Variants in ATM observed in about 807,000 individuals in gnomAD.
ATM encodes ATM serine/threonine kinase.
ATM carries 308 observed loss-of-function variants against 387.0 expected under a neutral mutation model. The ratio of observed to expected loss-of-function variants is 0.80; its 90% CI spans 0.73 to 0.87. The LOEUF (loss-of-function observed/expected upper bound fraction) is 0.87, where lower values mean the gene tolerates loss of function less well. ATM is among the 40% of genes least tolerant of loss of function. The pLI is 0.00. For missense variants in ATM, 3,312 were observed against 3,560.9 expected, an observed-to-expected ratio of 0.93 and a Z score of 1.78; for synonymous variants, 1,156 against 1,187.3, an observed-to-expected ratio of 0.97 and a Z score of 0.54.
At chr11:108,255,906 CT>C (rs1208367443) in intron 13 of ATM, among the ~76,000 whole-genome samples, 2 of 152,038 alleles carry the variant, frequency 1.3e-5, no homozygotes, top group East Asian at 1.9e-4. Context: ...GCCTGTGAAG[CT>C]TTTTTTCTTT....
intron 4 of ATM, among the ~76,000 whole-genome samples, chr11:108,233,386 A>T (rs963848405): frequency 6.6e-5 from 10 of 152,066 alleles, no homozygotes; most frequent in Admixed American, 2.0e-4. Context: ...CCTGGGTAAC[A>T]TGGTGAGACC....
chr11:108,254,263 A>G (rs192639658), intron 13 of ATM, among the ~76,000 whole-genome samples: 1 of 152,338 alleles, frequency 6.6e-6, no homozygotes, highest in East Asian at 1.9e-4. Context: ...TATGGTAGAC[A>G]TAAAATAATT....
In ATM at chr11:108,256,290, G is replaced by A. The variant is rs1390127104; in HGVS notation, c.2200G>A (p.Val734Ile). ...CCTTGGCTGCTACTGTTACATGGGT[G>A]TAATAGCTGAAGAGGAAGCATATAA... is the stretch of plus-strand genomic sequence containing the variant. ...GVLGCYCYMG[V>I]IAEEEAYKSE... Residue 734 changes from valine to isoleucine, a missense_variant, in exon 14 of 63, where the codon GTA becomes ATA. Val to Ile is a conservative substitution (Grantham distance 29). Coordinates refer to ENST00000675843, the MANE Select transcript of ATM (RefSeq NM_000051.4). The A allele has an allele frequency of 6.2e-7, 1 of 1,611,204 alleles. No individual in the cohort carries two copies. Among genetic ancestry groups the A allele is most frequent in the South Asian group, 1.1e-5 (1 of 90,832 alleles).
At position 108,256,231 on chromosome 11, in the gene ATM, C is replaced by T. The variant is rs1555074846; in HGVS notation, c.2141C>T (p.Thr714Ile). 1.2e-6 allele frequency: 2 copies of T among 1,606,580 alleles called. No homozygotes were observed. Among genetic ancestry groups the T allele is most frequent in the Non-Finnish European group, 1.7e-6 (2 of 1,175,320 alleles). ...NYSSEITNSE[T>I]LVRCSRLLVG... ...TACTTTAAGATTACAAATTCAGAAA[C>T]TCTTGTCCGGTGTTCACGTCTTTTG... Residue 714 changes from threonine to isoleucine, a missense_variant, in exon 14 of 63, where the codon ACT becomes ATT. Physicochemically the swap from Thr to Ile is moderately conservative, Grantham distance 89. This residue lies in a region of ATM where 1,791 missense variants were observed against 1,804.5 expected (regional missense o/e 0.99). Coordinates refer to ENST00000675843, the MANE Select transcript of ATM (RefSeq NM_000051.4).
At chr11:108,287,040 G>T (rs1425519918) in intron 26 of ATM, 1 of 152,484 alleles carries the variant, frequency 6.6e-6, no homozygotes, top group Non-Finnish European at 1.5e-5. Flanking sequence ...GTCCAAATCT[G>T]TTGGGGAGGG....
chr11:108,299,001 AT>A (rs1475590792), intron 33 of ATM, among the ~76,000 whole-genome samples: 4 of 152,218 alleles, frequency 2.6e-5, no homozygotes, highest in African/African-American at 9.6e-5. Context: ...ACTTATATAC[AT>A]TCTGTTTGTT....
intron 22 of ATM, among the ~76,000 whole-genome samples, chr11:108,277,673 AC>A (rs1350358417): frequency 1.3e-5 from 2 of 151,872 alleles, no homozygotes; most frequent in Non-Finnish European, 2.9e-5. Flanking sequence ...GTGAGGCTAC[AC>A]CCCACCCTGC....
At position 108,344,165 on chromosome 11, in the gene ATM, A is replaced by G. The variant is rs527659273; in HGVS notation, c.8418+794A>G. ...TTTTTTAAAATGTGTGATAAGTGCTATAGGTGTTGTGATGGAAGTCTGTAC... is the reference window on the plus strand; with the variant it reads ...TTTTTTAAAATGTGTGATAAGTGCTGTAGGTGTTGTGATGGAAGTCTGTAC... On this transcript the variant is annotated intron_variant, in intron 57 of 62. Coordinates refer to ENST00000675843, the MANE Select transcript of ATM (RefSeq NM_000051.4). Among the ~76,000 whole-genome samples, 4 of 152,264 alleles carry G rather than the reference A, an allele frequency of 2.6e-5. No homozygotes were observed. The East Asian group carries it at 5.8e-4, about 22-fold the overall frequency.
intron 26 of ATM, chr11:108,287,088 A>G (rs557412440): frequency 6.5e-6 from 1 of 153,992 alleles, no homozygotes; most frequent in Non-Finnish European, 1.4e-5. Context: ...TGTGGATCGC[A>G]GCTAGCCTTA....
chr11:108,259,437 G>T (rs925442171), intron 16 of ATM, among the ~76,000 whole-genome samples: 2 of 152,194 alleles, frequency 1.3e-5, no homozygotes, highest in Non-Finnish European at 2.9e-5. Context: ...AGTGAGCGAA[G>T]ATCGTGCCAC....
intron 58 of ATM, among the ~76,000 whole-genome samples, chr11:108,346,134 T>C (rs1051986916): frequency 3.3e-5 from 5 of 152,152 alleles, no homozygotes; most frequent in Admixed American, 6.5e-5. Context: ...CCTACTTCAA[T>C]AAATAATAAA....
At chr11:108,262,991 T>C (rs1163879464) in intron 16 of ATM, among the ~76,000 whole-genome samples, 1 of 152,112 alleles carries the variant, frequency 6.6e-6, no homozygotes, top group Non-Finnish European at 1.5e-5. Context: ...AAGCAAGTCC[T>C]GAGTGACCTA....
rs141313533 is a variant in ATM at position 108,232,056 on chromosome 11, G to C, written c.331+2733G>C. ...AGAAAGATAACATGTCAATTTTGTA[G>C]CCCACCAGAAAAGTTTGCAATGTGT... is the stretch of plus-strand genomic sequence containing the variant. On this transcript the variant is annotated intron_variant, in intron 4 of 62. Transcript: ENST00000675843. 1.2e-4 allele frequency among the ~76,000 whole-genome samples: 18 copies of C among 152,284 alleles called. No individual in the cohort carries two copies. The East Asian group carries it at 3.1e-3, about 26-fold the overall frequency.
rs1209569640 is a variant in ATM at position 108,291,998 on chromosome 11, A to G, written c.4437-621A>G. The stretch of plus-strand genomic sequence containing the variant: ...CAGCCTCTTGTATGTCTCAACAGTA[A>G]TCTTTTGCCCTATGCACCTGCAGGT... On this transcript the variant is annotated intron_variant, in intron 29 of 62. Transcript: ENST00000675843. 2.0e-5 allele frequency among the ~76,000 whole-genome samples: 3 copies of G among 152,168 alleles called. No individual in the cohort carries two copies. The East Asian group carries it at 5.8e-4, about 29-fold the overall frequency.
chr11:108,355,214 A>G (rs79429454), intron 61 of ATM: 3 of 292,844 alleles, frequency 1.0e-5, no homozygotes, highest in Non-Finnish European at 2.0e-5. Flanking sequence ...TCAGAAATTT[A>G]TATCTCCTTT....
At position 108,267,470 on chromosome 11, in the gene ATM, C is replaced by T. The variant is rs573030950; in HGVS notation, c.2638+128C>T. On this transcript the variant is annotated intron_variant, in intron 17 of 62. Transcript: ENST00000675843. ...CTTAGTATAGCCTTTTAGGATTGTT[C>T]CTTTCTTATATACTTTATTTTTTTT... The T allele has an allele frequency of 1.2e-4, 90 of 754,838 alleles. No homozygotes were observed. In the African/African-American group the frequency reaches 1.4e-3, roughly 12 times the overall value. 46.8% of individuals were successfully genotyped at this position (754,838 alleles called of 1,614,324 possible).
At chr11:108,229,470 T>C (rs926873823) in intron 4 of ATM, 147 bp downstream of exon 4, 3 of 787,536 alleles carry the variant, frequency 3.8e-6, no homozygotes, top group South Asian at 3.9e-5. Flanking sequence ...TAAGTACATA[T>C]AATGATTTTT....
chr11:108,257,109 A>T (rs1288393101), intron 14 of ATM, among the ~76,000 whole-genome samples: 6 of 152,132 alleles, frequency 3.9e-5, no homozygotes, highest in Non-Finnish European at 7.4e-5. Context: ...TTCCACAATG[A>T]TTGAACTAAT....
Position 108,229,202 on chromosome 11 carries a change from A to T in ATM, c.210A>T (p.Lys70Asn), listed in dbSNP as rs1064793030. 12 of 1,612,994 alleles carry T rather than the reference A, an allele frequency of 7.4e-6. No homozygotes were observed. The highest frequency in any genetic ancestry group is 1.3e-5 in the African/African-American group (1 of 74,936). The change falls in exon 4 of 63, where the codon AAA becomes AAT. Residue 70 changes from lysine to asparagine, a missense_variant. Transcript: ENST00000675843. The stretch of plus-strand genomic sequence containing the variant: ...GATTTTTACAGAAATATATTCAGAA[A>T]GAAACAGAATGTCTGAGAATAGCAA... ...VFRFLQKYIQ[K>N]ETECLRIAKP...
Sources: allele counts gnomAD v4.1 joint callset (sites outside exome capture counted in the v4.1 genomes callset), GRCh38; gene constraint gnomAD v4.1.1; regional missense constraint gnomAD v4.1.1; transcripts MANE v1.5; gene names NCBI Gene and HGNC (gene_info 2026-07-23, HGNC 2026-07-21).